TMEM109: variants seen among roughly 807,000 people sequenced by gnomAD.
TMEM109 encodes the protein voltage-gated monoatomic cation channel TMEM109.
In TMEM109, 19 loss-of-function variants were observed where a neutral mutation model predicts 26.4. The ratio of observed to expected loss-of-function variants is 0.72; its 90% CI spans 0.50 to 1.06. The LOEUF is 1.06. Ranked by LOEUF, TMEM109 falls within the 50% of genes least tolerant of loss-of-function variation. The pLI is 0.00. For synonymous variants in TMEM109, 129 were observed against 142.0 expected, an observed-to-expected ratio of 0.91 and a Z score of 0.65; for missense variants, 262 against 303.4, an observed-to-expected ratio of 0.86 and a Z score of 1.01.
chr11:60,914,464 C>T (rs912375811), intron 1 of TMEM109, among the ~76,000 whole-genome samples, 196 bp downstream of exon 1: 1 of 151,840 alleles, frequency 6.6e-6, no homozygotes, highest in African/African-American at 2.4e-5. Flanking sequence ...CCAGGCAACC[C>T]GGGAGGCGCA....
intron 2 of TMEM109, 116 bp downstream of exon 2, chr11:60,920,046 T>G: frequency 1.2e-6 from 1 of 844,992 alleles, no homozygotes; most frequent in Non-Finnish European, 1.9e-6. Context: ...GAGCCCCAAA[T>G]TCCACAAAAA....
intron 1 of TMEM109, among the ~76,000 whole-genome samples, chr11:60,919,367 G>C (rs1350791302): frequency 3.3e-5 from 5 of 152,214 alleles, no homozygotes; most frequent in African/African-American, 1.2e-4. Context: ...AAGATACAGG[G>C]ACAGGCCTTC....
At chr11:60,915,710 C>T (rs1436740036) in intron 1 of TMEM109, among the ~76,000 whole-genome samples, 1 of 152,078 alleles carries the variant, frequency 6.6e-6, no homozygotes, top group Non-Finnish European at 1.5e-5. Flanking sequence ...ATGAAACTAA[C>T]AAAAGGAAAG....
At chr11:60,921,442 CT>C (rs1856237176) in intron 3 of TMEM109, among the ~76,000 whole-genome samples, 1 of 152,148 alleles carries the variant, frequency 6.6e-6, no homozygotes, top group Admixed American at 6.5e-5. Flanking sequence ...TAAAAAAGAA[CT>C]TCCGCCACCA....
chr11:60,919,615 G>T, intron 1 of TMEM109, 71 bp from the exon 2 acceptor site: 1 of 1,272,012 alleles, frequency 7.9e-7, no homozygotes, highest in Non-Finnish European at 1.1e-6. Flanking sequence ...GAAGGATGTT[G>T]GGATAATCAG....
intron 1 of TMEM109, among the ~76,000 whole-genome samples, chr11:60,919,328 C>G (rs575999361): frequency 6.6e-6 from 1 of 152,288 alleles, no homozygotes; most frequent in East Asian, 1.9e-4. Context: ...TTTATAGAGT[C>G]TTATAATACT....
At chr11:60,920,498 C>T (rs577339379) in intron 2 of TMEM109, among the ~76,000 whole-genome samples, 1 of 152,360 alleles carries the variant, frequency 6.6e-6, no homozygotes, top group South Asian at 2.1e-4. Context: ...CACGCACCTT[C>T]ATGACTCCCT....
intron 3 of TMEM109, among the ~76,000 whole-genome samples, chr11:60,921,258 G>A (rs750103014): frequency 3.9e-5 from 6 of 152,072 alleles, no homozygotes; most frequent in East Asian, 1.9e-4. Flanking sequence ...ATGAGACCTC[G>A]TCTCTATAAA....
In TMEM109 at chr11:60,922,515, C is replaced by A; in HGVS notation, c.*350C>A. 1 of 588,016 alleles carries A rather than the reference C, an allele frequency of 1.7e-6. No homozygotes were observed. 36.4% of individuals were successfully genotyped at this position (588,016 alleles called of 1,614,324 possible). A position where few individuals can be genotyped will look rare whatever the true frequency, so the allele number is the denominator to read the frequency against. On this transcript the variant is annotated 3_prime_UTR_variant, in exon 4 of 4. Coordinates refer to ENST00000227525, the MANE Select transcript of TMEM109 (RefSeq NM_024092.3). ...CTCTCATGACTTAACTGGCTTCCCT[C>A]TGCTGCTGCCTTGGCTTCCTCCTAA... is the stretch of plus-strand genomic sequence containing the variant.
intron 1 of TMEM109, among the ~76,000 whole-genome samples, chr11:60,916,941 C>G (rs1017029065): frequency 1.3e-5 from 2 of 152,224 alleles, no homozygotes; most frequent in African/African-American, 2.4e-5. Context: ...AAGTCCCCAA[C>G]ATGGTTATGA....
At position 60,923,226 on chromosome 11, in the gene TMEM109, TA is replaced by T. The variant is rs1214786563; in HGVS notation, c.*1062del. 1 of 152,572 alleles carries T rather than the reference TA, an allele frequency of 6.6e-6. No individual in the cohort carries two copies. Among genetic ancestry groups the T allele is most frequent in the Non-Finnish European group, 1.5e-5 (1 of 68,008 alleles). The allele number at this position is 152,572 out of a possible 1,614,324, so 9.5% of individuals were successfully genotyped here. ...CACCAGGGTACCCTGTCTTGGTGGT[TA>T]GGGGCCACTTTTCCTTTGAGGCTCT... On this transcript the variant is annotated 3_prime_UTR_variant, in exon 4 of 4. Transcript: ENST00000227525.
intron 1 of TMEM109, among the ~76,000 whole-genome samples, chr11:60,916,540 C>T (rs1252419365): frequency 1.3e-5 from 2 of 152,080 alleles, no homozygotes; most frequent in Admixed American, 1.3e-4. Flanking sequence ...GTCCATACTG[C>T]CTGAGATTCA....
rs199565578 is a variant in TMEM109, at chr11:60,921,832, G to A, written c.399G>A (p.Leu133=). 6.2e-6 allele frequency: 10 copies of A among 1,614,130 alleles called. No individual in the cohort carries two copies. The African/African-American group carries it at 8.0e-5, about 13-fold the overall frequency. The change falls in exon 4 of 4, where the codon CTG becomes CTA. Residue 133 remains leucine, a synonymous_variant. Coordinates refer to ENST00000227525, the MANE Select transcript of TMEM109 (RefSeq NM_024092.3). The stretch of plus-strand genomic sequence containing the variant: ...CTGGCCAGGTCCAGACCTTCCTGCT[G>A]TGGGGAGCAGGGGCCCTGGTCGTCT... ...LSPGQVQTFL[L]WGAGALVVYW...
In TMEM109 at chr11:60,919,759, A is replaced by G; in HGVS notation, c.66A>G (p.Leu22=). 1 of 1,614,190 alleles carries G rather than the reference A, an allele frequency of 6.2e-7. No homozygotes were observed. The highest frequency in any genetic ancestry group is 8.5e-7 in the Non-Finnish European group (1 of 1,180,040). Residue 22 remains leucine (L), a synonymous_variant, in exon 2 of 4, where the codon CTA becomes CTG. Coordinates refer to ENST00000227525, the MANE Select transcript of TMEM109 (RefSeq NM_024092.3). ...TGTTCAAAGCCATTCTGATGGTCCT[A>G]GTGGCCCTTATCCTCCTCCACTCAG... ...KHVFKAILMV[L]VALILLHSAL... is the part of the protein sequence containing the mutation.
chr11:60,920,364 G>A (rs1856222630), intron 2 of TMEM109, among the ~76,000 whole-genome samples: 2 of 152,126 alleles, frequency 1.3e-5, no homozygotes, highest in South Asian at 4.1e-4. Context: ...TCCCAAGCAT[G>A]GTATCACATA....
rs1019394532 is a variant in TMEM109 at position 60,921,662 on chromosome 11, C to T, written c.341-112C>T. 18 of 787,732 alleles carry T rather than the reference C, an allele frequency of 2.3e-5. No individual in the cohort carries two copies. In the Admixed American group the frequency reaches 2.3e-4, roughly 10 times the overall value. 48.8% of individuals were successfully genotyped at this position (787,732 alleles called of 1,614,324 possible). A position where few individuals can be genotyped will look rare whatever the true frequency, so the allele number is the denominator to read the frequency against. Reference sequence around the variant, plus strand: ...CCATATCACTCTGAGTCTGCGAGAACGGCTTATTCCTTTGCAATGTGCCTA... The same window carrying T: ...CCATATCACTCTGAGTCTGCGAGAATGGCTTATTCCTTTGCAATGTGCCTA... On this transcript the variant is annotated intron_variant, in intron 3 of 3. Coordinates refer to ENST00000227525, the MANE Select transcript of TMEM109 (RefSeq NM_024092.3).
At chr11:60,916,198 T>C (rs1390091478) in intron 1 of TMEM109, among the ~76,000 whole-genome samples, 1 of 152,170 alleles carries the variant, frequency 6.6e-6, no homozygotes, top group Non-Finnish European at 1.5e-5. Context: ...ACTCAACCTC[T>C]CTAAGCCATA....
chr11:60,914,630 G>A (rs537075682), intron 1 of TMEM109, among the ~76,000 whole-genome samples: 1 of 152,342 alleles, frequency 6.6e-6, no homozygotes, highest in South Asian at 2.1e-4. Flanking sequence ...CCTTCGGGGG[G>A]CCCCAAACTC....
Position 60,921,914 on chromosome 11 carries a change from T to C in TMEM109, c.481T>C (p.Trp161Arg). The change falls in exon 4 of 4, where the codon TGG becomes CGG. Residue 161 changes from tryptophan to arginine, a missense_variant. Physicochemically the swap from Trp to Arg is moderately radical, Grantham distance 101. Coordinates refer to ENST00000227525, the MANE Select transcript of TMEM109 (RefSeq NM_024092.3). ...LVLALLGRIL[W>R]GLKLVIFLAG... is the part of the protein sequence containing the mutation. ...CTTGGCCTTGCTGGGGCGGATCCTG[T>C]GGGGCCTGAAGCTTGTCATCTTCCT... The C allele has an allele frequency of 6.2e-7, 1 of 1,614,176 alleles. No homozygotes were observed. The highest frequency in any genetic ancestry group is 2.2e-5 in the East Asian group (1 of 44,880).
Sources: gnomAD v4.1 joint callset for allele counts (sites outside exome capture counted in the v4.1 genomes callset) on GRCh38, gnomAD v4.1.1 for gene constraint, MANE v1.5 for transcripts, NCBI Gene and HGNC (gene_info 2026-07-23, HGNC 2026-07-21) for gene names.